Variants in LIX1 observed in about 807,000 individuals in gnomAD.
The protein encoded by LIX1 is protein limb expression 1 homolog.
A neutral mutation model predicts 33.4 loss-of-function variants in LIX1; 24 were observed. The observed-to-expected ratio is 0.72, with a 90% CI of 0.52 to 1.01. The LOEUF is 1.01. Among genes scored for constraint, LIX1 ranks in the 50% least tolerant of loss-of-function variants. The pLI is 0.00. For missense variants in LIX1, 311 were observed against 339.2 expected, an observed-to-expected ratio of 0.92 and a Z score of 0.65; for synonymous variants, 124 against 124.0, an observed-to-expected ratio of 1.00 and a Z score of 0.00.
chr5:97,105,283 G>A lies in LIX1; in HGVS notation c.390C>T (p.Gly130=). ...SVQEAVASTS[G]TLDDADDPST... ...TGGGGTCATCTGCATCATCTAAGGTGCCCTTGGGAAAGAAAGCAGAAAAAG... is the reference window on the plus strand; with the variant it reads ...TGGGGTCATCTGCATCATCTAAGGTACCCTTGGGAAAGAAAGCAGAAAAAG... The change falls in exon 4 of 6, where the codon GGC becomes GGT. Residue 130 remains glycine, a splice_region_variant and synonymous_variant. Transcript: ENST00000274382. 6.2e-7 allele frequency: 1 copy of A among 1,613,116 alleles called. No homozygotes were observed. Among genetic ancestry groups the A allele is most frequent in the Non-Finnish European group, 8.5e-7 (1 of 1,179,324 alleles).
chr5:97,129,905 G>A (rs1421692845), intron 1 of LIX1, among the ~76,000 whole-genome samples: 4 of 152,126 alleles, frequency 2.6e-5, no homozygotes, highest in Non-Finnish European at 4.4e-5. Context: ...ACCTTTTTCC[G>A]TGGGCCATTT....
rs199848635 is a variant in LIX1, at chr5:97,124,515, A to G, written c.197T>C (p.Phe66Ser). 1.1e-5 allele frequency: 17 copies of G among 1,609,896 alleles called. No individual in the cohort carries two copies. The highest frequency in any genetic ancestry group is 1.4e-5 in the Non-Finnish European group (17 of 1,177,610). ...YESLPAPGPP[F>S]VSYVTLPGGS... ...CCCTGGGAGGGTCACGTAACTCACA[A>G]AGGGAGGCCCAGGAGCTGGCAGTGA... Residue 66 changes from phenylalanine (F) to serine (S), a missense_variant, in exon 2 of 6, where the codon TTT becomes TCT. By Grantham distance (155) the Phe-to-Ser change is radical. Transcript: ENST00000274382.
chr5:97,137,145 A>G (rs1488195521), intron 1 of LIX1: 3 of 442,412 alleles, frequency 6.8e-6, no homozygotes, highest in African/African-American at 6.0e-5. Context: ...AACTTAACAC[A>G]TGAGTTTCAG....
chr5:97,129,620 C>G (rs1456437695), intron 1 of LIX1, among the ~76,000 whole-genome samples: 1 of 151,978 alleles, frequency 6.6e-6, no homozygotes, highest in Non-Finnish European at 1.5e-5. Flanking sequence ...GATTTTTAAC[C>G]TAGTTTTGCC....
At chr5:97,103,824 G>T (rs2112760179) in intron 4 of LIX1, among the ~76,000 whole-genome samples, 1 of 152,182 alleles carries the variant, frequency 6.6e-6, no homozygotes, top group Non-Finnish European at 1.5e-5. Context: ...AATTAGCCGG[G>T]CATGGTGGTG....
At chr5:97,127,398 C>G (rs1488749368) in intron 1 of LIX1, among the ~76,000 whole-genome samples, 1 of 152,132 alleles carries the variant, frequency 6.6e-6, no homozygotes, top group East Asian at 1.9e-4. Context: ...TCAAATTTTT[C>G]ATTCTGCAAT....
intron 2 of LIX1, among the ~76,000 whole-genome samples, chr5:97,117,045 T>C (rs61280532): frequency 0.011 from 1,681 of 152,290 alleles, 24 homozygotes; most frequent in African/African-American, 0.038. Context: ...GGAAGGAGGC[T>C]GGGGAATAAA....
rs1746205350 is a variant in LIX1 at position 97,093,945 on chromosome 5, T to C, written c.*803A>G. The C allele has an allele frequency of 6.6e-6, 1 of 152,350 alleles. No individual in the cohort carries two copies. Among genetic ancestry groups the C allele is most frequent in the Non-Finnish European group, 1.5e-5 (1 of 68,022 alleles). 9.4% of individuals were successfully genotyped at this position (152,350 alleles called of 1,614,324 possible). ...TCTCTCTGTAGATATATGTTTGCAG[T>C]GGCAAAAAATAAGAACAAATTAGTT... is the stretch of plus-strand genomic sequence containing the variant. On this transcript the variant is annotated 3_prime_UTR_variant, in exon 6 of 6. Coordinates refer to ENST00000274382, the MANE Select transcript of LIX1 (RefSeq NM_153234.5).
chr5:97,141,258 A>G (rs890791999), intron 1 of LIX1, among the ~76,000 whole-genome samples: 1 of 152,180 alleles, frequency 6.6e-6, no homozygotes, highest in African/African-American at 2.4e-5. Flanking sequence ...ATTGTAGGAG[A>G]GAGACATTCT....
chr5:97,095,559 G>A (rs951204743), intron 5 of LIX1, among the ~76,000 whole-genome samples: 1 of 152,192 alleles, frequency 6.6e-6, no homozygotes, highest in Non-Finnish European at 1.5e-5. Context: ...ATTAGCACAA[G>A]GGAGATGGTC....
intron 1 of LIX1, among the ~76,000 whole-genome samples, chr5:97,140,399 C>G (rs556212757): frequency 1.3e-5 from 2 of 152,248 alleles, no homozygotes; most frequent in African/African-American, 2.4e-5. Context: ...GCAGAAAGAG[C>G]TTGGAGCAGG....
intron 4 of LIX1, chr5:97,102,031 G>A (rs944908087): frequency 6.6e-6 from 1 of 152,152 alleles, no homozygotes; most frequent in African/African-American, 2.4e-5. Context: ...AAGACCCAGT[G>A]ACTAGTGCTG....
chr5:97,142,540 C>T lies in LIX1; in HGVS notation c.37G>A (p.Ala13Thr), dbSNP rs371687429. ...GGATCTCTGTGAGGCAAGACTTGGG[C>T]AATGATGTGTCTCAGAGATTCCAAG... ...RTLESLRHII[A>T]QVLPHRDPAL... Residue 13 changes from alanine to threonine, a missense_variant, in exon 1 of 6, where the codon GCC becomes ACC. By Grantham distance (58) the Ala-to-Thr change is moderately conservative. Coordinates refer to ENST00000274382, the MANE Select transcript of LIX1 (RefSeq NM_153234.5). 3.1e-6 allele frequency: 5 copies of T among 1,613,956 alleles called. No individual in the cohort carries two copies. The highest frequency in any genetic ancestry group is 4.2e-6 in the Non-Finnish European group (5 of 1,179,964).
At chr5:97,113,641 G>T (rs1178205142) in intron 2 of LIX1, among the ~76,000 whole-genome samples, 4 of 152,094 alleles carry the variant, frequency 2.6e-5, no homozygotes, top group Non-Finnish European at 4.4e-5. Flanking sequence ...GATTTGTTTT[G>T]TTCTCTGGTC....
intron 5 of LIX1, among the ~76,000 whole-genome samples, chr5:97,095,781 A>T (rs1746345350): frequency 6.6e-6 from 1 of 152,220 alleles, no homozygotes; most frequent in Admixed American, 6.5e-5. Context: ...GAGTGAATGC[A>T]CTGCTTATTT....
chr5:97,114,916 A>G (rs1747596719), intron 2 of LIX1, among the ~76,000 whole-genome samples: 1 of 152,222 alleles, frequency 6.6e-6, no homozygotes, highest in Non-Finnish European at 1.5e-5. Flanking sequence ...TTCTGCTAAC[A>G]TCAGAAATGC....
At position 97,105,947 on chromosome 5, in the gene LIX1, C is replaced by G. The variant is rs73775658; in HGVS notation, c.388-662G>C. ...TCCGTATCCTATGGACGCGGATTCCCGGGAAGGTGGGCAATGGTGACTTTG... is the reference window on the plus strand; with the variant it reads ...TCCGTATCCTATGGACGCGGATTCCGGGGAAGGTGGGCAATGGTGACTTTG... On this transcript the variant is annotated intron_variant, in intron 3 of 5. Transcript: ENST00000274382. Among the ~76,000 whole-genome samples, 16 of 152,260 alleles carry G rather than the reference C, an allele frequency of 1.1e-4. No individual in the cohort carries two copies. The East Asian group carries it at 2.1e-3, about 20-fold the overall frequency.
chr5:97,130,315 A>AAAC (rs1183927786), intron 1 of LIX1, among the ~76,000 whole-genome samples: 2 of 152,246 alleles, frequency 1.3e-5, no homozygotes, highest in African/African-American at 4.8e-5. Context: ...CTACAGTCGA[A>AAAC]AACACATTAT....
In LIX1 at chr5:97,094,775, G is replaced by C. The variant is rs1293124421; in HGVS notation, c.822C>G (p.Ser274Arg). The change falls in exon 6 of 6, where the codon AGC becomes AGG. Residue 274 changes from serine to arginine, a missense_variant. Ser to Arg is a moderately radical substitution (Grantham distance 110, BLOSUM62 -1). Transcript: ENST00000274382. ...DTSSPSDDQL[S>R]LTALCGYH ...AGTGATAGCCACACAGGGCCGTAAG[G>C]CTCAGCTGATCATCACTGGGTGAGG... The C allele has an allele frequency of 6.2e-7, 1 of 1,614,040 alleles. No homozygotes were observed. The highest frequency in any genetic ancestry group is 8.5e-7 in the Non-Finnish European group (1 of 1,180,018).
Sources: allele counts gnomAD v4.1 joint callset (sites outside exome capture counted in the v4.1 genomes callset), GRCh38; gene constraint gnomAD v4.1.1; transcripts MANE v1.5; gene names NCBI Gene and HGNC (gene_info 2026-07-23, HGNC 2026-07-21).